The following GLIS3 variants were observed in gnomAD, a reference collection of about 807,000 sequenced individuals.
GLIS3 encodes the protein zinc finger protein GLIS3.
In GLIS3, 53 loss-of-function variants were observed where a neutral mutation model predicts 78.6. The observed-to-expected ratio is 0.67, with a 90% CI of 0.54 to 0.85. The LOEUF (loss-of-function observed/expected upper bound fraction) is 0.85, where lower values mean the gene tolerates loss of function less well. Ranked by LOEUF, GLIS3 falls within the 40% of genes least tolerant of loss-of-function variation. The pLI, the probability that GLIS3 is intolerant of heterozygous loss-of-function variation, is 0.00. For missense variants in GLIS3, 1,703 were observed against 1,231.1 expected (o/e 1.38, Z -5.74); for synonymous variants, 684 against 509.9 (o/e 1.34, Z -4.60).
At chr9:4,417,940 G>T in the GLIS3 span, among the ~76,000 whole-genome samples, 1 of 152,158 alleles carries the variant, frequency 6.6e-6, no homozygotes, top group African/African-American at 2.4e-5. Flanking sequence ...GGGAACAATT[G>T]ATATTTTCAA....
chr9:4,454,049 T>C, the GLIS3 span, among the ~76,000 whole-genome samples: 3,710 of 152,008 alleles, frequency 0.024, 172 homozygotes, highest in African/African-American at 0.085. Flanking sequence ...TCTTTACTTT[T>C]TCTTTTAAAA....
intron 3 of GLIS3, among the ~76,000 whole-genome samples, chr9:4,122,485 C>T (rs1291849733): frequency 6.6e-6 from 1 of 152,142 alleles, no homozygotes; most frequent in East Asian, 1.9e-4. Context: ...CAAAGGAAAC[C>T]ATCACCAAGA....
At chr9:4,412,465 G>T in the GLIS3 span, among the ~76,000 whole-genome samples, 2 of 152,170 alleles carry the variant, frequency 1.3e-5, no homozygotes, top group Non-Finnish European at 2.9e-5. Flanking sequence ...AAGTGGTCTA[G>T]AACAGTTAAT....
At chr9:4,102,302 G>C (rs1830429080) in intron 4 of GLIS3, among the ~76,000 whole-genome samples, 1 of 152,186 alleles carries the variant, frequency 6.6e-6, no homozygotes, top group South Asian at 2.1e-4. Context: ...GTCATGGTCA[G>C]GGTCCTTGTG....
chr9:4,268,602 G>A (rs1004392949), intron 2 of GLIS3, among the ~76,000 whole-genome samples: 1 of 152,142 alleles, frequency 6.6e-6, no homozygotes, highest in Non-Finnish European at 1.5e-5. Context: ...ATAAAAGGTA[G>A]GAAAGGTATT....
At chr9:3,873,799 G>A (rs1394488867) in intron 8 of GLIS3, among the ~76,000 whole-genome samples, 1 of 150,756 alleles carries the variant, frequency 6.6e-6, no homozygotes, top group Admixed American at 6.6e-5. Flanking sequence ...ATACATTATG[G>A]GTGAAAAGAG....
intron 8 of GLIS3, among the ~76,000 whole-genome samples, chr9:3,867,577 G>T (rs868055099): frequency 6.6e-6 from 1 of 152,178 alleles, no homozygotes; most frequent in Non-Finnish European, 1.5e-5. Flanking sequence ...AACAAAATAG[G>T]AAGAGGCCAC....
intron 2 of GLIS3, among the ~76,000 whole-genome samples, chr9:4,186,722 T>C (rs1249765342): frequency 6.6e-6 from 1 of 152,060 alleles, no homozygotes; most frequent in Non-Finnish European, 1.5e-5. Flanking sequence ...CTCATTGTGG[T>C]TTTGATTTGC....
chr9:4,484,031 T>TA, the GLIS3 span, among the ~76,000 whole-genome samples: 1 of 151,786 alleles, frequency 6.6e-6, no homozygotes, highest in African/African-American at 2.4e-5. Context: ...TGTTTGCTTT[T>TA]GTTGTTGTTG....
chr9:4,207,464 T>G (rs768037147), intron 2 of GLIS3, among the ~76,000 whole-genome samples: 2 of 152,226 alleles, frequency 1.3e-5, no homozygotes, highest in Non-Finnish European at 2.9e-5. Flanking sequence ...TACCTCAAAA[T>G]GATGCTTATG....
intron 2 of GLIS3, among the ~76,000 whole-genome samples, chr9:4,140,368 C>A (rs577050189): frequency 6.6e-6 from 1 of 152,218 alleles, no homozygotes; most frequent in African/African-American, 2.4e-5. Flanking sequence ...ACCAGACTAC[C>A]TTTGTTTTTC....
chr9:4,224,386 G>C (rs747401192), intron 2 of GLIS3, among the ~76,000 whole-genome samples: 3 of 152,166 alleles, frequency 2.0e-5, no homozygotes, highest in Admixed American at 2.0e-4. Context: ...GCTTCCAAAG[G>C]TGTATGAATG....
chr9:4,263,219 C>G (rs1825688012), intron 2 of GLIS3, among the ~76,000 whole-genome samples: 1 of 152,288 alleles, frequency 6.6e-6, no homozygotes, highest in Admixed American at 6.5e-5. Flanking sequence ...CTCAGTGGCT[C>G]ACAGACATAT....
At chr9:3,943,446 G>A (rs1389473888) in intron 4 of GLIS3, among the ~76,000 whole-genome samples, 1 of 152,146 alleles carries the variant, frequency 6.6e-6, no homozygotes, top group Admixed American at 6.5e-5. Flanking sequence ...CCTTAACAGG[G>A]CACTGAACTC....
At chr9:3,945,727 T>C (rs573679701) in intron 4 of GLIS3, among the ~76,000 whole-genome samples, 1 of 152,302 alleles carries the variant, frequency 6.6e-6, no homozygotes, top group Non-Finnish European at 1.5e-5. Flanking sequence ...TTTCTCCAAA[T>C]GATCTGCCTC....
chr9:3,953,795 C>CTCTCTCTCTCTCTATATA (rs1403671770), intron 4 of GLIS3, among the ~76,000 whole-genome samples: 23 of 73,336 alleles, frequency 3.1e-4, no homozygotes, highest in African/African-American at 1.3e-3. Flanking sequence ...CTCTCTCTCT[C>CTCTCTCTCTCTCTATATA]TATATATATA....
chr9:4,009,435 G>C (rs1202387283), intron 4 of GLIS3, among the ~76,000 whole-genome samples: 2 of 152,156 alleles, frequency 1.3e-5, no homozygotes, highest in African/African-American at 4.8e-5. Context: ...ATCCCTGCTG[G>C]CCAGCAAGGT....
intron 4 of GLIS3, among the ~76,000 whole-genome samples, chr9:4,073,615 C>T (rs1196491166): frequency 3.3e-5 from 5 of 152,078 alleles, no homozygotes; most frequent in Admixed American, 6.6e-5. Flanking sequence ...CATGAAAAGG[C>T]GGATGTTGCT....
rs532289370 is a variant in GLIS3 at position 3,960,190 on chromosome 9, G to A, written c.1711-23001C>T. Among the ~76,000 whole-genome samples the A allele has an allele frequency of 1.2e-3, 183 of 152,262 alleles. 1 individual carries two copies. Among genetic ancestry groups the A allele is most frequent in the Non-Finnish European group, 1.9e-3 (128 of 68,010 alleles). On this transcript the variant is annotated intron_variant, in intron 4 of 10. Coordinates refer to ENST00000381971, the MANE Select transcript of GLIS3 (RefSeq NM_001042413.2). ...GAGACACACACAGAGGGAAGATGACGTGAAATTACAGGGAGAACACTGTGT... is the reference window on the plus strand; with the variant it reads ...GAGACACACACAGAGGGAAGATGACATGAAATTACAGGGAGAACACTGTGT...
Sources: allele counts gnomAD v4.1 joint callset (sites outside exome capture counted in the v4.1 genomes callset), GRCh38; gene constraint gnomAD v4.1.1; transcripts MANE v1.5; gene names NCBI Gene and HGNC (gene_info 2026-07-23, HGNC 2026-07-21).